The following RABEP1 variants were observed in gnomAD, a reference collection of about 807,000 sequenced individuals.
RABEP1 encodes rab GTPase-binding effector protein 1.
In RABEP1, 51 loss-of-function variants were observed where a neutral mutation model predicts 123.4. The observed-to-expected ratio is 0.41, with a 90% CI of 0.33 to 0.52. The LOEUF (loss-of-function observed/expected upper bound fraction) is 0.52. Among genes scored for constraint, RABEP1 ranks in the 20% least tolerant of loss-of-function variants. RABEP1 has a pLI of 0.16. For synonymous variants in RABEP1, 347 were observed against 355.2 expected, an observed-to-expected ratio of 0.98 and a Z score of 0.26; for missense variants, 888 against 996.3, an observed-to-expected ratio of 0.89 and a Z score of 1.46.
intron 14 of RABEP1, 53 bp downstream of exon 14, chr17:5,377,358 G>A: frequency 6.9e-7 from 1 of 1,452,078 alleles, no homozygotes; most frequent in Non-Finnish European, 9.2e-7. Flanking sequence ...TAAAACTTTA[G>A]TAAAAGAAGC....
Position 5,360,732 on chromosome 17 carries a change from C to T in RABEP1, c.1096-476C>T, listed in dbSNP as rs186480816. 3.3e-5 allele frequency among the ~76,000 whole-genome samples: 5 copies of T among 152,262 alleles called. No homozygotes were observed. The East Asian group carries it at 5.8e-4, about 18-fold the overall frequency. On this transcript the variant is annotated intron_variant, in intron 8 of 17. Transcript: ENST00000537505. ...TGCTGTGACTTTAATTATCATTATA[C>T]GATAGTTACTCTCAAGTCTCTATCG...
At chr17:5,370,749 C>T (rs945009672) in intron 12 of RABEP1, among the ~76,000 whole-genome samples, 4 of 152,094 alleles carry the variant, frequency 2.6e-5, no homozygotes, top group Non-Finnish European at 5.9e-5. Context: ...AATTTGATCA[C>T]TCGGTTAAGG....
chr17:5,327,821 T>C (rs1906128975), intron 2 of RABEP1, among the ~76,000 whole-genome samples: 1 of 152,060 alleles, frequency 6.6e-6, no homozygotes, highest in African/African-American at 2.4e-5. Flanking sequence ...GGCATGAAAA[T>C]AGACAATTTT....
chr17:5,287,620 A>G lies in RABEP1; in HGVS notation c.34+5100A>G, dbSNP rs1016154181. Among the ~76,000 whole-genome samples, 12 of 138,894 alleles carry G rather than the reference A, an allele frequency of 8.6e-5. No homozygotes were observed. The South Asian group carries it at 3.4e-3, about 39-fold the overall frequency. The allele number at this position is 138,894 out of a possible 152,430, so 91.1% of individuals were successfully genotyped here. On this transcript the variant is annotated intron_variant, in intron 1 of 17. Coordinates refer to ENST00000537505, the MANE Select transcript of RABEP1 (RefSeq NM_004703.6). ...TCGCAAAAAAAAAAAAAAAAAAAAA[A>G]AAACCCAAAACACTGAGCGGGCGTG...
intron 13 of RABEP1, among the ~76,000 whole-genome samples, chr17:5,373,693 A>AACACACACACACACACACACAC (rs55736303): frequency 3.7e-5 from 5 of 135,330 alleles, no homozygotes; most frequent in East Asian, 2.1e-4. Flanking sequence ...ACACCAGCTA[A>AACACACACACACACACACACAC]ACACACACAC....
chr17:5,316,373 C>T (rs1186671726), intron 2 of RABEP1, among the ~76,000 whole-genome samples: 3 of 132,106 alleles, frequency 2.3e-5, no homozygotes, highest in Non-Finnish European at 4.7e-5. Context: ...TGGCTTGAAC[C>T]CGGGAGGTGG....
intron 4 of RABEP1, 141 bp from the exon 5 acceptor site, chr17:5,337,878 C>A: frequency 3.9e-6 from 3 of 768,542 alleles, no homozygotes; most frequent in South Asian, 3.6e-5. Flanking sequence ...GAAAGTTAGA[C>A]ATTAGTTCAG....
At chr17:5,331,202 C>T (rs1906512249) in intron 2 of RABEP1, among the ~76,000 whole-genome samples, 1 of 151,852 alleles carries the variant, frequency 6.6e-6, no homozygotes, top group South Asian at 2.1e-4. Flanking sequence ...AAATGAGTCA[C>T]TAGTACATAT....
intron 2 of RABEP1, among the ~76,000 whole-genome samples, chr17:5,329,712 T>C (rs940076570): frequency 6.6e-6 from 1 of 151,900 alleles, no homozygotes; most frequent in Non-Finnish European, 1.5e-5. Flanking sequence ...ACATAATGTT[T>C]GAAATGCTTT....
chr17:5,348,988 C>T (rs1235119461), intron 6 of RABEP1, among the ~76,000 whole-genome samples: 2 of 152,104 alleles, frequency 1.3e-5, no homozygotes, highest in Non-Finnish European at 2.9e-5. Flanking sequence ...CTGTCTAATT[C>T]CAAACATTTT....
Position 5,375,828 on chromosome 17 carries a change from T to TTAAAA in RABEP1, c.2026-1287_2026-1286insAAAAT, listed in dbSNP as rs551040625. On this transcript the variant is annotated intron_variant, in intron 13 of 17. Coordinates refer to ENST00000537505, the MANE Select transcript of RABEP1 (RefSeq NM_004703.6). Reference sequence around the variant, plus strand: ...TCAGGAAAGAATCCTGTCTTCCATGTTCTTTAGAGACTTTATTCCTAGATT... The same window carrying TTAAAA: ...TCAGGAAAGAATCCTGTCTTCCATGTTAAAATCTTTAGAGACTTTATTCCTAGATT... Among the ~76,000 whole-genome samples the TTAAAA allele has an allele frequency of 1.0e-3, 152 of 152,272 alleles. 6 individuals carry two copies. The South Asian group carries it at 0.03, about 31-fold the overall frequency.
Position 5,311,471 on chromosome 17 carries a change from C to T in RABEP1, c.163+2649C>T, listed in dbSNP as rs182895608. On this transcript the variant is annotated intron_variant, in intron 2 of 17. Coordinates refer to ENST00000537505, the MANE Select transcript of RABEP1 (RefSeq NM_004703.6). ...CAGCATTTTGGGAGGCCGAGGCAGG[C>T]GGATCACAAGGTCATGAGTTCGAGA... is the stretch of plus-strand genomic sequence containing the variant. Among the ~76,000 whole-genome samples the T allele has an allele frequency of 4.2e-4, 63 of 151,774 alleles. 1 individual carries two copies. The East Asian group carries it at 9.7e-3, about 23-fold the overall frequency.
chr17:5,298,720 A>C (rs550766378), intron 1 of RABEP1, among the ~76,000 whole-genome samples: 3 of 146,506 alleles, frequency 2.0e-5, no homozygotes, highest in African/African-American at 7.7e-5. Context: ...CAGTAGCGAG[A>C]TCTCAGCTCA....
intron 2 of RABEP1, among the ~76,000 whole-genome samples, chr17:5,330,794 G>A (rs1567526838): frequency 6.6e-6 from 1 of 152,028 alleles, no homozygotes; most frequent in Non-Finnish European, 1.5e-5. Context: ...AGGCTGAGGC[G>A]GGAGGATCAT....
intron 1 of RABEP1, among the ~76,000 whole-genome samples, chr17:5,287,256 C>T (rs1454930583): frequency 6.6e-6 from 1 of 152,134 alleles, no homozygotes; most frequent in African/African-American, 2.4e-5. Context: ...TTAAAAAAAT[C>T]ACTCTGGGCC....
intron 2 of RABEP1, among the ~76,000 whole-genome samples, chr17:5,318,809 A>G (rs1473697625): frequency 6.6e-6 from 1 of 152,216 alleles, no homozygotes; most frequent in African/African-American, 2.4e-5. Flanking sequence ...AGATTCCTTG[A>G]CAGTATCTTA....
intron 1 of RABEP1, among the ~76,000 whole-genome samples, chr17:5,299,921 G>T (rs2075121534): frequency 6.6e-6 from 1 of 151,120 alleles, no homozygotes; most frequent in Admixed American, 6.6e-5. Flanking sequence ...GTAGAGATGG[G>T]GTTTCACCAT....
At chr17:5,289,649 A>C (rs1314272020) in intron 1 of RABEP1, among the ~76,000 whole-genome samples, 1 of 152,066 alleles carries the variant, frequency 6.6e-6, no homozygotes, top group Non-Finnish European at 1.5e-5. Context: ...ACAAAAGAAA[A>C]CCCTAAAGAA....
intron 2 of RABEP1, among the ~76,000 whole-genome samples, chr17:5,311,540 T>C (rs1019559115): frequency 6.6e-6 from 1 of 151,028 alleles, no homozygotes. Flanking sequence ...ACAAAAAAAA[T>C]ACAAAAATTA....
Sources: gnomAD v4.1 joint callset for allele counts (sites outside exome capture counted in the v4.1 genomes callset) on GRCh38, gnomAD v4.1.1 for gene constraint, MANE v1.5 for transcripts, NCBI Gene and HGNC (gene_info 2026-07-23, HGNC 2026-07-21) for gene names.